The following DNAH14 variants were observed in gnomAD, a reference collection of about 807,000 sequenced individuals.
DNAH14 encodes the protein axonemal beta dynein heavy chain 14.
Under a neutral mutation model 520.9 loss-of-function variants are expected in DNAH14, and 478 were observed. The ratio of observed to expected loss-of-function variants is 0.92; its 90% CI spans 0.85 to 0.99. DNAH14 has a LOEUF of 0.99. Ranked by LOEUF, DNAH14 falls within the 50% of genes least tolerant of loss-of-function variation. DNAH14 has a pLI of 0.00. For synonymous variants in DNAH14, 1,581 were observed against 1,757.2 expected, an observed-to-expected ratio of 0.90 and a Z score of 2.51; for missense variants, 4,831 against 5,234.5, an observed-to-expected ratio of 0.92 and a Z score of 2.38.
chr1:225,143,397 A>G (rs565205464), intron 28 of DNAH14, among the ~76,000 whole-genome samples: 1 of 152,078 alleles, frequency 6.6e-6, no homozygotes, highest in Admixed American at 6.5e-5. Flanking sequence ...ATAATTTTAA[A>G]TTTTTCTTTT....
intron 64 of DNAH14, among the ~76,000 whole-genome samples, chr1:225,327,303 A>G (rs2094695848): frequency 1.3e-5 from 2 of 151,658 alleles, no homozygotes; most frequent in African/African-American, 2.4e-5. Flanking sequence ...GACTACAGGC[A>G]CCCACCACCA....
At position 225,398,519 on chromosome 1, in the gene DNAH14, G is replaced by A. The variant is rs2096057475; in HGVS notation, c.13492-1G>A. ...CTGACACCACCTCTCTTCCATCTTA[G>A]GGCTCAGCTTCCTCTCACACTGGAG... On this transcript the variant is annotated splice_acceptor_variant, in intron 84 of 85. Transcript: ENST00000682510. LOFTEE classifies it high-confidence loss of function. The A allele has an allele frequency of 1.3e-6, 2 of 1,551,536 alleles. No individual in the cohort carries two copies. Among genetic ancestry groups the A allele is most frequent in the Non-Finnish European group, 1.7e-6 (2 of 1,146,910 alleles).
intron 2 of DNAH14, among the ~76,000 whole-genome samples, chr1:224,953,616 A>C (rs2060322526): frequency 6.6e-6 from 1 of 152,228 alleles, no homozygotes; most frequent in African/African-American, 2.4e-5. Flanking sequence ...TAAAGAATAA[A>C]GAACCCAAGA....
intron 8 of DNAH14, among the ~76,000 whole-genome samples, chr1:224,986,333 A>G (rs1316812537): frequency 8.6e-5 from 13 of 151,024 alleles, no homozygotes; most frequent in South Asian, 2.1e-4. Flanking sequence ...AAAAAAAAAA[A>G]AAAAAGAAAA....
At position 225,002,886 on chromosome 1, in the gene DNAH14, A is replaced by G; in HGVS notation, c.934A>G (p.Asn312Asp). 1 of 1,549,498 alleles carries G rather than the reference A, an allele frequency of 6.5e-7. No individual in the cohort carries two copies. Among genetic ancestry groups the G allele is most frequent in the Non-Finnish European group, 8.7e-7 (1 of 1,145,634 alleles). Reference sequence around the variant, plus strand: ...AGATGCAATTAATCTCAAAAATTATAATGACCATGAAAATAATCTATCTGC... The same window carrying G: ...AGATGCAATTAATCTCAAAAATTATGATGACCATGAAAATAATCTATCTGC... ...CEDAINLKNY[N>D]DHENNLSAIC... The change falls in exon 9 of 86, where the codon AAT (asparagine) becomes GAT (aspartate). Residue 312 changes from asparagine (N) to aspartate (D), a missense_variant. Coordinates refer to ENST00000682510, the MANE Select transcript of DNAH14 (RefSeq NM_001367479.1).
intron 61 of DNAH14, among the ~76,000 whole-genome samples, chr1:225,321,203 A>G (rs977183226): frequency 1.3e-5 from 2 of 152,258 alleles, no homozygotes; most frequent in Non-Finnish European, 2.9e-5. Flanking sequence ...ACTGTTAATG[A>G]GACTAAAGAT....
At chr1:225,239,328 G>A (rs2149623506) in intron 42 of DNAH14, among the ~76,000 whole-genome samples, 1 of 152,232 alleles carries the variant, frequency 6.6e-6, no homozygotes, top group South Asian at 2.1e-4. Context: ...GGGCTCACGG[G>A]GGATCTCCTG....
At chr1:225,139,739 C>T (rs1003237471) in intron 27 of DNAH14, among the ~76,000 whole-genome samples, 2 of 152,222 alleles carry the variant, frequency 1.3e-5, no homozygotes, top group African/African-American at 2.4e-5. Context: ...GGGGTCTCCA[C>T]CTGTTGGATG....
intron 71 of DNAH14, among the ~76,000 whole-genome samples, chr1:225,348,665 AT>A (rs2095321698): frequency 6.6e-6 from 1 of 152,226 alleles, no homozygotes; most frequent in Non-Finnish European, 1.5e-5. Flanking sequence ...GGTTTCTCAG[AT>A]AAACAAACAT....
intron 36 of DNAH14, among the ~76,000 whole-genome samples, chr1:225,183,093 G>A (rs1278158206): frequency 6.6e-6 from 1 of 152,218 alleles, no homozygotes; most frequent in Non-Finnish European, 1.5e-5. Flanking sequence ...GTATGCAGGG[G>A]ACTTTGCCTT....
chr1:225,214,681 T>A (rs999928631), intron 41 of DNAH14, among the ~76,000 whole-genome samples: 1 of 152,242 alleles, frequency 6.6e-6, no homozygotes, highest in Non-Finnish European at 1.5e-5. Context: ...CTAGATTTTC[T>A]AGTTTATTTG....
At chr1:225,229,198 G>A (rs996380306) in intron 41 of DNAH14, among the ~76,000 whole-genome samples, 2 of 152,154 alleles carry the variant, frequency 1.3e-5, no homozygotes, top group African/African-American at 4.8e-5. Context: ...TAGCTGTGCA[G>A]TCAGGCAAAA....
At chr1:224,978,482 CTG>C (rs1313950615) in intron 8 of DNAH14, among the ~76,000 whole-genome samples, 12 of 152,078 alleles carry the variant, frequency 7.9e-5, no homozygotes, top group East Asian at 7.7e-4. Context: ...GAGAGTAAAA[CTG>C]TGGTTATTAG....
Position 225,104,439 on chromosome 1 carries a change from G to C in DNAH14, c.3867+3555G>C, listed in dbSNP as rs1248926033. 5.3e-5 allele frequency among the ~76,000 whole-genome samples: 8 copies of C among 152,220 alleles called. 1 individual carries two copies. The highest frequency in any genetic ancestry group is 1.2e-4 in the Non-Finnish European group (8 of 68,004). On this transcript the variant is annotated intron_variant, in intron 23 of 85. Coordinates refer to ENST00000682510, the MANE Select transcript of DNAH14 (RefSeq NM_001367479.1). ...AGGATTCCCTCTTTTTCTATTGTTT[G>C]GAATTGTTTCAGAAGGAATGGTACC...
At chr1:224,947,079 G>A (rs553591665) in intron 1 of DNAH14, among the ~76,000 whole-genome samples, 6 of 151,620 alleles carry the variant, frequency 4.0e-5, no homozygotes, top group East Asian at 1.9e-4. Context: ...CACCACGCTC[G>A]GCTAATTTTT....
Position 224,955,050 on chromosome 1 carries a change from A to G in DNAH14, c.169A>G (p.Lys57Glu), listed in dbSNP as rs769485562. 4.3e-6 allele frequency: 7 copies of G among 1,611,894 alleles called. No homozygotes were observed. Among genetic ancestry groups the G allele is most frequent in the African/African-American group, 1.3e-5 (1 of 75,014 alleles). Residue 57 changes from lysine (K) to glutamate (E), a missense_variant, in exon 3 of 86, where the codon AAA becomes GAA. Physicochemically the swap from Lys to Glu is moderately conservative, Grantham distance 56. Transcript: ENST00000682510. ...EIAEKETLEY[K>E]TVRTFSESLK... Reference sequence around the variant, plus strand: ...AGCAGAAAAGGAAACATTGGAATATAAAACAGTTAGAACATTCTCTGAATC... The same window carrying G: ...AGCAGAAAAGGAAACATTGGAATATGAAACAGTTAGAACATTCTCTGAATC...
chr1:225,223,985 T>C (rs2090298743), intron 41 of DNAH14, among the ~76,000 whole-genome samples: 1 of 152,196 alleles, frequency 6.6e-6, no homozygotes, highest in Non-Finnish European at 1.5e-5. Context: ...GGTTTAATCA[T>C]AGCACCTGAA....
intron 27 of DNAH14, among the ~76,000 whole-genome samples, chr1:225,127,083 T>C (rs1298969901): frequency 7.2e-5 from 11 of 151,954 alleles, no homozygotes; most frequent in African/African-American, 2.7e-4. Flanking sequence ...CAGTTTGTTA[T>C]AATTTCTGTT....
At chr1:224,934,305 A>G (rs2058887594) in intron 1 of DNAH14, among the ~76,000 whole-genome samples, 2 of 152,082 alleles carry the variant, frequency 1.3e-5, no homozygotes, top group Admixed American at 6.5e-5. Context: ...TTAGGACATG[A>G]ATGAGTAATT....
Sources: allele counts gnomAD v4.1 joint callset (sites outside exome capture counted in the v4.1 genomes callset), GRCh38; gene constraint gnomAD v4.1.1; transcripts MANE v1.5; gene names NCBI Gene and HGNC (gene_info 2026-07-23, HGNC 2026-07-21).